The following TMPRSS15 variants were observed in gnomAD, a reference collection of about 807,000 sequenced individuals.
The protein encoded by TMPRSS15 is enteropeptidase.
In TMPRSS15, 128 loss-of-function variants were observed where a neutral mutation model predicts 125.3. The observed-to-expected ratio is 1.02, with a 90% CI of 0.89 to 1.18. The LOEUF is 1.18. Ranked by LOEUF, TMPRSS15 falls within the 50% of genes most tolerant of loss-of-function variation. The pLI is 0.00. For synonymous variants in TMPRSS15, 446 were observed against 423.2 expected, an observed-to-expected ratio of 1.05 and a Z score of -0.66; for missense variants, 1,283 against 1,212.7, an observed-to-expected ratio of 1.06 and a Z score of -0.86.
chr21:18,270,235 A>C (rs2074539026), intron 24 of TMPRSS15, 111 bp from the exon 25 acceptor site: 2 of 936,264 alleles, frequency 2.1e-6, no homozygotes, highest in African/African-American at 3.3e-5. Context: ...AAAAAATATG[A>C]TTTAATTGCA....
intron 15 of TMPRSS15, among the ~76,000 whole-genome samples, chr21:18,328,694 G>T (rs1486512469): frequency 6.6e-6 from 1 of 152,078 alleles, no homozygotes; most frequent in Non-Finnish European, 1.5e-5. Flanking sequence ...GAATGAATAA[G>T]ATCTAGTATT....
intron 15 of TMPRSS15, among the ~76,000 whole-genome samples, chr21:18,327,345 C>G (rs1397591783): frequency 6.6e-6 from 1 of 152,062 alleles, no homozygotes; most frequent in Non-Finnish European, 1.5e-5. Context: ...ATAATTTGAT[C>G]TAAAATAGAA....
At chr21:18,431,953 T>C (rs573230221) in intron 1 of TMPRSS15, among the ~76,000 whole-genome samples, 70 of 152,320 alleles carry the variant, frequency 4.6e-4, no homozygotes, top group African/African-American at 1.6e-3. Flanking sequence ...TCAATGACTT[T>C]CTTTTACTTT....
chr21:18,412,696 A>C (rs905446986), intron 1 of TMPRSS15, among the ~76,000 whole-genome samples: 1 of 152,204 alleles, frequency 6.6e-6, no homozygotes, highest in African/African-American at 2.4e-5. Flanking sequence ...ACCTAGAATT[A>C]TGTGTTTGAT....
At chr21:18,402,058 C>G (rs535670993) in intron 1 of TMPRSS15, among the ~76,000 whole-genome samples, 1 of 152,278 alleles carries the variant, frequency 6.6e-6, no homozygotes, top group South Asian at 2.1e-4. Flanking sequence ...AATATCCACA[C>G]TTTCTTTCCC....
intron 7 of TMPRSS15, among the ~76,000 whole-genome samples, chr21:18,363,280 C>G (rs961795460): frequency 1.8e-4 from 28 of 152,012 alleles, no homozygotes; most frequent in Non-Finnish European, 4.4e-5. Flanking sequence ...TAAAATAATC[C>G]ATTTATCAAT....
At chr21:18,418,646 A>G (rs748244786) in intron 1 of TMPRSS15, among the ~76,000 whole-genome samples, 5 of 152,176 alleles carry the variant, frequency 3.3e-5, no homozygotes, top group Non-Finnish European at 7.3e-5. Flanking sequence ...CTTTTGCTCT[A>G]TAATCTATTA....
At chr21:18,421,272 T>C (rs1370249465) in intron 1 of TMPRSS15, among the ~76,000 whole-genome samples, 1 of 152,194 alleles carries the variant, frequency 6.6e-6, no homozygotes, top group Non-Finnish European at 1.5e-5. Flanking sequence ...CAGTTTTCAG[T>C]ACTCCACTCT....
intron 1 of TMPRSS15, among the ~76,000 whole-genome samples, chr21:18,473,892 A>G (rs1386294376): frequency 6.6e-6 from 1 of 152,106 alleles, no homozygotes; most frequent in Non-Finnish European, 1.5e-5. Flanking sequence ...TATTGATATA[A>G]TTTACTATTC....
At chr21:18,286,746 C>T (rs1351129187) in intron 21 of TMPRSS15, among the ~76,000 whole-genome samples, 1 of 152,186 alleles carries the variant, frequency 6.6e-6, no homozygotes, top group African/African-American at 2.4e-5. Context: ...CTCTTTGGTC[C>T]TCCACATGGT....
chr21:18,424,458 C>A (rs971142793), intron 1 of TMPRSS15, among the ~76,000 whole-genome samples: 1 of 152,118 alleles, frequency 6.6e-6, no homozygotes, highest in Non-Finnish European at 1.5e-5. Flanking sequence ...TTTCTCAGTG[C>A]CAGTTAAAGT....
chr21:18,332,006 C>G, intron 14 of TMPRSS15, 78 bp downstream of exon 14: 1 of 1,277,576 alleles, frequency 7.8e-7, no homozygotes, highest in Non-Finnish European at 1.1e-6. Flanking sequence ...AATTTATAAT[C>G]TACTTTGCTG....
At chr21:18,430,120 C>G (rs1051916013) in intron 1 of TMPRSS15, among the ~76,000 whole-genome samples, 2 of 152,254 alleles carry the variant, frequency 1.3e-5, no homozygotes, top group African/African-American at 4.8e-5. Context: ...AGCTGTACCT[C>G]TTAGTAAATA....
chr21:18,485,157 T>C (rs1979055175), intron 1 of TMPRSS15, among the ~76,000 whole-genome samples: 1 of 151,928 alleles, frequency 6.6e-6, no homozygotes, highest in South Asian at 2.1e-4. Context: ...CTCTAATGTC[T>C]TTGTAATTGG....
intron 1 of TMPRSS15, among the ~76,000 whole-genome samples, chr21:18,436,932 T>G (rs2076229222): frequency 9.2e-6 from 1 of 108,680 alleles, no homozygotes; most frequent in Non-Finnish European, 1.9e-5. Flanking sequence ...GCCATCCCCA[T>G]CAAGCTACCA....
At chr21:18,354,691 G>C (rs2075607005) in intron 8 of TMPRSS15, among the ~76,000 whole-genome samples, 1 of 151,630 alleles carries the variant, frequency 6.6e-6, no homozygotes, top group Non-Finnish European at 1.5e-5. Flanking sequence ...TGAAATATTA[G>C]ACTTTCACGA....
At chr21:18,309,359 T>C (rs2075070672) in intron 18 of TMPRSS15, among the ~76,000 whole-genome samples, 1 of 152,150 alleles carries the variant, frequency 6.6e-6, no homozygotes, top group Non-Finnish European at 1.5e-5. Context: ...AAAGACTTCA[T>C]GACTAAAACA....
intron 14 of TMPRSS15, among the ~76,000 whole-genome samples, chr21:18,330,743 T>C (rs554754784): frequency 1.3e-5 from 2 of 152,266 alleles, no homozygotes; most frequent in African/African-American, 4.8e-5. Context: ...TCTTGTTGGA[T>C]TTTTCAGATT....
chr21:18,280,923 T>C, intron 22 of TMPRSS15, 117 bp downstream of exon 22: 1 of 1,123,846 alleles, frequency 8.9e-7, no homozygotes, highest in Non-Finnish European at 1.3e-6. Flanking sequence ...TCCAATGATT[T>C]ATGTAACAAA....
Sources: allele counts gnomAD v4.1 joint callset (sites outside exome capture counted in the v4.1 genomes callset), GRCh38; gene constraint gnomAD v4.1.1; transcripts MANE v1.5; gene names NCBI Gene and HGNC (gene_info 2026-07-23, HGNC 2026-07-21).